The following ADAD2 variants were observed in gnomAD, a reference collection of about 807,000 sequenced individuals.
The protein encoded by ADAD2 is adenosine deaminase domain containing 2.
Under a neutral mutation model 54.5 loss-of-function variants are expected in ADAD2, and 60 were observed. That is an observed-to-expected ratio of 1.10 (90% CI 0.89 to 1.36). The LOEUF (loss-of-function observed/expected upper bound fraction) is 1.36, where lower values mean the gene tolerates loss of function less well. Ranked by LOEUF, ADAD2 falls within the 40% of genes most tolerant of loss-of-function variation. The probability of loss-of-function intolerance (pLI) is 0.00; values close to 1 mark genes in which losing one functional copy is unlikely to be tolerated. For synonymous variants in ADAD2, 543 were observed against 366.2 expected (o/e 1.48, Z -5.51); for missense variants, 1,103 against 801.3 (o/e 1.38, Z -4.54).
chr16:84,195,338 T>C lies in ADAD2; in HGVS notation c.776T>C (p.Leu259Pro). Reference protein sequence around the residue: ...ARGHVKEIYKLVALGTGSSCC... With the variant: ...ARGHVKEIYKPVALGTGSSCC... ...GGCCACGTGAAGGAGATCTACAAGC[T>C]GGTGGCTCTGGGCACCGGCAGCAGC... Residue 259 changes from leucine (L) to proline (P), a missense_variant, in exon 5 of 10, where the codon CTG becomes CCG. Coordinates refer to ENST00000315906, the MANE Select transcript of ADAD2 (RefSeq NM_001145400.2). The C allele has an allele frequency of 6.2e-7, 1 of 1,610,652 alleles. No homozygotes were observed. The highest frequency in any genetic ancestry group is 1.1e-5 in the South Asian group (1 of 91,036).
intron 1 of ADAD2, chr16:84,193,112 G>C (rs1046221429): frequency 1.3e-5 from 2 of 152,098 alleles, no homozygotes; most frequent in African/African-American, 4.8e-5. Context: ...ACAGGAGTGA[G>C]CCACTGTGCC....
Position 84,195,466 on chromosome 16 carries a change from G to T in ADAD2, c.884+20G>T, listed in dbSNP as rs760174175. On this transcript the variant is annotated intron_variant, in intron 5 of 9. Coordinates refer to ENST00000315906, the MANE Select transcript of ADAD2 (RefSeq NM_001145400.2). Reference sequence around the variant, plus strand: ...GCTGAGGTGAGGGGCAGTGGGGTGGGCGCCTGATAGCAGCCTTCGCCAGGA... The same window carrying T: ...GCTGAGGTGAGGGGCAGTGGGGTGGTCGCCTGATAGCAGCCTTCGCCAGGA... 2 of 1,606,258 alleles carry T rather than the reference G, an allele frequency of 1.2e-6. No homozygotes were observed. Among genetic ancestry groups the T allele is most frequent in the African/African-American group, 2.7e-5 (2 of 74,788 alleles).
In ADAD2 at chr16:84,195,333, C is replaced by T. The variant is rs1198271263; in HGVS notation, c.771C>T (p.Tyr257=). The part of the protein sequence containing the change: ...PRARGHVKEI[Y]KLVALGTGSS... ...CCAGGGGCCACGTGAAGGAGATCTA[C>T]AAGCTGGTGGCTCTGGGCACCGGCA... The change falls in exon 5 of 10, where the codon TAC becomes TAT. Residue 257 remains tyrosine, a synonymous_variant. Coordinates refer to ENST00000315906, the MANE Select transcript of ADAD2 (RefSeq NM_001145400.2). The T allele has an allele frequency of 1.9e-6, 3 of 1,610,852 alleles. No homozygotes were observed. In the South Asian group the frequency reaches 3.3e-5, roughly 18 times the overall value.
intron 2 of ADAD2, 66 bp downstream of exon 2, chr16:84,194,648 C>T (rs1281773926): frequency 7.1e-6 from 11 of 1,554,684 alleles, no homozygotes; most frequent in East Asian, 4.8e-5. Flanking sequence ...CTGGCAGTCC[C>T]GTGGGGAGGC....
At position 84,194,100 on chromosome 16, in the gene ADAD2, A is replaced by G. The variant is rs749063943; in HGVS notation, c.419-342A>G. 23 of 1,614,012 alleles carry G rather than the reference A, an allele frequency of 1.4e-5. No homozygotes were observed. In the South Asian group the frequency reaches 1.9e-4, roughly 13 times the overall value. On this transcript the variant is annotated intron_variant, in intron 1 of 9. Transcript: ENST00000315906. The stretch of plus-strand genomic sequence containing the variant: ...TGCTCAGAGCCTTCCTCCTGAGAAC[A>G]GGGTGGCGTGGGCTCTGGAGAGGGG...
rs1258241360 is a variant in ADAD2 at position 84,191,669 on chromosome 16, G to C, written c.418+21G>C. ...ACCAGGTGAGGCCGGGCCGGGGCAT[G>C]GCTGTGCCAGAGGGCAGAGCCACGG... On this transcript the variant is annotated intron_variant, in intron 1 of 9. Transcript: ENST00000315906. 3.2e-6 allele frequency: 5 copies of C among 1,552,068 alleles called. No homozygotes were observed. In the South Asian group the frequency reaches 5.9e-5, roughly 18 times the overall value.
intron 7 of ADAD2, 34 bp downstream of exon 7, chr16:84,196,078 G>A (rs939939198): frequency 1.3e-6 from 2 of 1,599,382 alleles, no homozygotes; most frequent in Non-Finnish European, 1.7e-6. Context: ...GGGGTGAGAA[G>A]GGAGGGCAGG....
chr16:84,191,744 C>T (rs1344678255), intron 1 of ADAD2, 96 bp downstream of exon 1: 2 of 1,514,770 alleles, frequency 1.3e-6, no homozygotes, highest in Admixed American at 2.0e-5. Flanking sequence ...GAAGGTGGAC[C>T]TTGGTCCCTA....
Position 84,196,737 on chromosome 16 carries a change from C to G in ADAD2, c.1617C>G (p.Leu539=). 1 of 1,612,876 alleles carries G rather than the reference C, an allele frequency of 6.2e-7. No individual in the cohort carries two copies. The highest frequency in any genetic ancestry group is 8.5e-7 in the Non-Finnish European group (1 of 1,179,808). ...QAARAVGKPY[L]LALKTYEAAK... is the part of the protein sequence containing the mutation. ...CCAGGGCTGTGGGGAAGCCCTACCT[C>G]CTGGCCTTGAAGACCTACGAGGCTG... The change falls in exon 9 of 10, where the codon CTC becomes CTG. Residue 539 remains leucine, a synonymous_variant. Transcript: ENST00000315906.
Position 84,196,382 on chromosome 16 carries a change from C to G in ADAD2, c.1526+12C>G, listed in dbSNP as rs377005824. 1 of 1,605,806 alleles carries G rather than the reference C, an allele frequency of 6.2e-7. No individual in the cohort carries two copies. Among genetic ancestry groups the G allele is most frequent in the Non-Finnish European group, 8.5e-7 (1 of 1,176,512 alleles). On this transcript the variant is annotated intron_variant, in intron 8 of 9. Transcript: ENST00000315906. ...CGTGTGAAGGCCAAGTGAGAAGGGC[C>G]CCCTGGGGCCGGGCTGTGGAGCAGT...
At chr16:84,192,367 C>T (rs1198887932) in intron 1 of ADAD2, among the ~76,000 whole-genome samples, 1 of 152,150 alleles carries the variant, frequency 6.6e-6, no homozygotes, top group African/African-American at 2.4e-5. Flanking sequence ...CAAGATTGTT[C>T]TTGAAGTCCT....
rs751176857 is a variant in ADAD2 at position 84,195,097 on chromosome 16, C to T, written c.636C>T (p.Cys212=). 34 of 1,613,730 alleles carry T rather than the reference C, an allele frequency of 2.1e-5. No individual in the cohort carries two copies. In the Middle Eastern group the frequency reaches 4.9e-4, roughly 23 times the overall value. ...VENILTHEQR[C]AALVSAGFDL... ...ACATCCTGACCCATGAGCAGCGCTG[C>T]GCAGCGTTGGTGAGCGCCGGCTTTG... Residue 212 remains cysteine, a synonymous_variant, in exon 4 of 10, where the codon TGC becomes TGT. Coordinates refer to ENST00000315906, the MANE Select transcript of ADAD2 (RefSeq NM_001145400.2).
At position 84,197,043 on chromosome 16, in the gene ADAD2, G is replaced by T; in HGVS notation, c.*69G>T. On this transcript the variant is annotated 3_prime_UTR_variant, in exon 10 of 10. Coordinates refer to ENST00000315906, the MANE Select transcript of ADAD2 (RefSeq NM_001145400.2). ...CCTGCTGGGGGAGTGCCCTATCTGAGGAGCGTTGTGGGGAGAACATGGGTT... is the reference window on the plus strand; with the variant it reads ...CCTGCTGGGGGAGTGCCCTATCTGATGAGCGTTGTGGGGAGAACATGGGTT... 4 of 1,459,220 alleles carry T rather than the reference G, an allele frequency of 2.7e-6. No individual in the cohort carries two copies. The highest frequency in any genetic ancestry group is 3.7e-6 in the Non-Finnish European group (4 of 1,068,650). 90.4% of individuals were successfully genotyped at this position (1,459,220 alleles called of 1,614,324 possible).
rs746447316 is a variant in ADAD2 at position 84,196,696 on chromosome 16, G to T, written c.1576G>T (p.Ala526Ser). 1 of 1,613,390 alleles carries T rather than the reference G, an allele frequency of 6.2e-7. No individual in the cohort carries two copies. ...TCTCTGCAAGGCCTCCTTTCTCCGGGCCTTTCACCAGGCGGCCAGGGCTGT... is the reference window on the plus strand; with the variant it reads ...TCTCTGCAAGGCCTCCTTTCTCCGGTCCTTTCACCAGGCGGCCAGGGCTGT... ...SRLCKASFLR[A>S]FHQAARAVGK... is the part of the protein sequence containing the mutation. The change falls in exon 9 of 10, where the codon GCC becomes TCC. Residue 526 changes from alanine to serine, a missense_variant. Coordinates refer to ENST00000315906, the MANE Select transcript of ADAD2 (RefSeq NM_001145400.2).
Position 84,195,423 on chromosome 16 carries a change from C to A in ADAD2, c.861C>A (p.Val287=). Reference sequence around the variant, plus strand: ...AGCTCCACGACTGCCATGGCCTGGTCATCGCCCGCAGGGCCCTGCTGAGGT... The same window carrying A: ...AGCTCCACGACTGCCATGGCCTGGTAATCGCCCGCAGGGCCCTGCTGAGGT... ...GQQLHDCHGL[V]IARRALLRFL... Residue 287 remains valine, a synonymous_variant, in exon 5 of 10, where the codon GTC becomes GTA. Transcript: ENST00000315906. 6.2e-7 allele frequency: 1 copy of A among 1,609,596 alleles called. No homozygotes were observed. Among genetic ancestry groups the A allele is most frequent in the East Asian group, 2.2e-5 (1 of 44,852 alleles).
At chr16:84,194,354 C>G (rs1430532643) in intron 1 of ADAD2, 88 bp from the exon 2 acceptor site, 2 of 1,549,938 alleles carry the variant, frequency 1.3e-6, no homozygotes, top group Non-Finnish European at 1.7e-6. Context: ...TGACCGTCCT[C>G]GATATCAGGT....
At chr16:84,195,794 C>G (rs775839787) in intron 6 of ADAD2, 21 bp from the exon 7 acceptor site, 25 of 1,576,762 alleles carry the variant, frequency 1.6e-5, no homozygotes, top group Non-Finnish European at 2.6e-6. Context: ...AAGCTGATGT[C>G]TGTCCCCACC....
rs543801950 is a variant in ADAD2 at position 84,195,928 on chromosome 16, C to G, written c.1166C>G (p.Thr389Ser). ...VCYVAPSLCD[T>S]HVGCLSASDK... ...TACGTGGCGCCCTCGCTCTGTGACA[C>G]CCACGTGGGCTGCCTGTCAGCCAGT... is the stretch of plus-strand genomic sequence containing the variant. The change falls in exon 7 of 10, where the codon ACC (threonine) becomes AGC (serine). Residue 389 changes from threonine (T) to serine (S), a missense_variant. Thr to Ser is a moderately conservative substitution (Grantham distance 58). Coordinates refer to ENST00000315906, the MANE Select transcript of ADAD2 (RefSeq NM_001145400.2). 3 of 1,599,634 alleles carry G rather than the reference C, an allele frequency of 1.9e-6. No homozygotes were observed. The highest frequency in any genetic ancestry group is 2.5e-6 in the Non-Finnish European group (3 of 1,179,606).
At chr16:84,195,036 C>T (rs369363777) in intron 3 of ADAD2, 33 bp from the exon 4 acceptor site, 1 of 1,612,506 alleles carries the variant, frequency 6.2e-7, no homozygotes, top group Non-Finnish European at 8.5e-7. Context: ...GGCGTGGGCC[C>T]CCTTCTACCT....
Sources: allele counts gnomAD v4.1 joint callset (sites outside exome capture counted in the v4.1 genomes callset), GRCh38; gene constraint gnomAD v4.1.1; transcripts MANE v1.5; gene names NCBI Gene and HGNC (gene_info 2026-07-23, HGNC 2026-07-21).